The following SORCS2 variants were observed in gnomAD, a reference collection of about 807,000 sequenced individuals.
The protein encoded by SORCS2 is sortilin related VPS10 domain containing receptor 2.
SORCS2 carries 100 observed loss-of-function variants against 141.6 expected under a neutral mutation model. The observed-to-expected ratio is 0.71, with a 90% CI of 0.60 to 0.83. SORCS2 has a LOEUF of 0.83. SORCS2 is among the 40% of genes least tolerant of loss of function. The probability of loss-of-function intolerance (pLI) is 0.00; values close to 1 mark genes in which losing one functional copy is unlikely to be tolerated. For synonymous variants in SORCS2, 789 were observed against 676.9 expected (o/e 1.17, Z -2.57); for missense variants, 1,646 against 1,560.2 (o/e 1.05, Z -0.93).
chr4:7,423,814 A>AAAAC (rs943428464), intron 2 of SORCS2, among the ~76,000 whole-genome samples: 1 of 152,224 alleles, frequency 6.6e-6, no homozygotes, highest in Non-Finnish European at 1.5e-5. Flanking sequence ...GCTCTCCAGG[A>AAAAC]AAACAAACAA....
At chr4:7,495,931 C>A (rs4689761) in intron 2 of SORCS2, among the ~76,000 whole-genome samples, 34 of 152,256 alleles carry the variant, frequency 2.2e-4, no homozygotes, top group Non-Finnish European at 3.5e-4. Context: ...AGGCACCTGC[C>A]GGCCTGGCCT....
chr4:7,344,251 C>T (rs1415940190), intron 1 of SORCS2, among the ~76,000 whole-genome samples: 1 of 152,224 alleles, frequency 6.6e-6, no homozygotes, highest in Non-Finnish European at 1.5e-5. Context: ...TCCTCATCTG[C>T]TGAGTCCCAT....
intron 1 of SORCS2, among the ~76,000 whole-genome samples, chr4:7,368,678 CA>C (rs902381303): frequency 3.3e-5 from 5 of 152,308 alleles, no homozygotes; most frequent in African/African-American, 1.2e-4. Context: ...CTGAGTGGCT[CA>C]GTCCCTGGAA....
chr4:7,592,216 C>A (rs567987308), intron 3 of SORCS2, among the ~76,000 whole-genome samples: 81 of 152,300 alleles, frequency 5.3e-4, no homozygotes, highest in South Asian at 1.0e-3. Context: ...GCTCCCCCAA[C>A]TACCCACTTT....
At chr4:7,363,443 C>T (rs1273648166) in intron 1 of SORCS2, among the ~76,000 whole-genome samples, 6 of 146,858 alleles carry the variant, frequency 4.1e-5, no homozygotes, top group African/African-American at 1.6e-4. Context: ...ATCACCATCA[C>T]CACCATTGTG....
intron 1 of SORCS2, among the ~76,000 whole-genome samples, chr4:7,370,300 G>T (rs540643798): frequency 6.6e-6 from 1 of 152,352 alleles, no homozygotes; most frequent in East Asian, 1.9e-4. Context: ...CTTCTGTTTG[G>T]TTGTCTGAGC....
At chr4:7,354,877 TAAGG>T (rs1481589226) in intron 1 of SORCS2, among the ~76,000 whole-genome samples, 1 of 152,204 alleles carries the variant, frequency 6.6e-6, no homozygotes, top group Non-Finnish European at 1.5e-5. Context: ...TTTTACATGA[TAAGG>T]AAGGTTTATC....
At chr4:7,365,960 C>CG (rs1721856035) in intron 1 of SORCS2, among the ~76,000 whole-genome samples, 1 of 152,182 alleles carries the variant, frequency 6.6e-6, no homozygotes, top group African/African-American at 2.4e-5. Flanking sequence ...AAAACGAGCC[C>CG]GGGAAGACAG....
chr4:7,525,175 C>G lies in SORCS2; in HGVS notation c.549-6355C>G, dbSNP rs149077370. Among the ~76,000 whole-genome samples, 486 of 152,288 alleles carry G rather than the reference C, an allele frequency of 3.2e-3. 1 individual carries two copies. The highest frequency in any genetic ancestry group is 0.011 in the African/African-American group (447 of 41,572). On this transcript the variant is annotated intron_variant, in intron 2 of 26. Coordinates refer to ENST00000507866, the MANE Select transcript of SORCS2 (RefSeq NM_020777.3). ...AGGAAATAATGCAGTGAGAGAGAGA[C>G]TCTTGAGTTGCCCACCAGGAAAACA... is the stretch of plus-strand genomic sequence containing the variant.
At chr4:7,566,105 ATAATGG>A (rs201983019) in intron 3 of SORCS2, among the ~76,000 whole-genome samples, 3,015 of 149,670 alleles carry the variant, frequency 0.02, 118 homozygotes, top group African/African-American at 0.069. Flanking sequence ...TGATAATGTG[ATAATGG>A]TAATGGTGAT....
rs772204065 is a variant in SORCS2, at chr4:7,740,289, AC to A, written c.*28del. ...ATGCCACCCCAGCATCTGTCTTTTC[AC>A]CCACGGAGGGCACAGAACCACCAGC... On this transcript the variant is annotated 3_prime_UTR_variant, in exon 27 of 27. Transcript: ENST00000507866. 2.0e-5 allele frequency: 32 copies of A among 1,603,644 alleles called. No homozygotes were observed. Among genetic ancestry groups the A allele is most frequent in the Middle Eastern group, 3.3e-4 (2 of 6,044 alleles).
At chr4:7,239,102 C>T (rs1560132796) in intron 1 of SORCS2, among the ~76,000 whole-genome samples, 1 of 152,218 alleles carries the variant, frequency 6.6e-6, no homozygotes, top group East Asian at 1.9e-4. Context: ...TTCCTGTGCT[C>T]CCCAGAGGCT....
At chr4:7,475,796 G>C (rs987784846) in intron 2 of SORCS2, among the ~76,000 whole-genome samples, 1 of 152,248 alleles carries the variant, frequency 6.6e-6, no homozygotes. Flanking sequence ...CCAGGCCTTT[G>C]GAAGACTGCA....
At chr4:7,376,336 G>A (rs1722654371) in intron 1 of SORCS2, among the ~76,000 whole-genome samples, 1 of 151,908 alleles carries the variant, frequency 6.6e-6, no homozygotes, top group Admixed American at 6.5e-5. Flanking sequence ...CAGCACTTTG[G>A]GAAGCCAAGG....
intron 2 of SORCS2, among the ~76,000 whole-genome samples, chr4:7,399,888 G>T (rs1245611625): frequency 1.3e-5 from 2 of 152,184 alleles, no homozygotes; most frequent in Non-Finnish European, 2.9e-5. Flanking sequence ...ATCTGGTACA[G>T]CACTTCTCAG....
At chr4:7,445,537 G>A (rs11729649) in intron 2 of SORCS2, among the ~76,000 whole-genome samples, 46,130 of 151,854 alleles carry the variant, frequency 0.3, 7,378 homozygotes, top group East Asian at 0.57. Context: ...ATGGAGCGGG[G>A]CCGAGGGGAA....
chr4:7,266,297 G>A (rs949677514), intron 1 of SORCS2, among the ~76,000 whole-genome samples: 1 of 152,198 alleles, frequency 6.6e-6, no homozygotes, highest in African/African-American at 2.4e-5. Flanking sequence ...GGGAGAAGAT[G>A]CTGGACTCCT....
At chr4:7,292,107 G>C (rs2108879469) in intron 1 of SORCS2, among the ~76,000 whole-genome samples, 1 of 152,342 alleles carries the variant, frequency 6.6e-6, no homozygotes, top group East Asian at 1.9e-4. Flanking sequence ...CTGGATCTCA[G>C]CTCTCTCCCG....
intron 1 of SORCS2, among the ~76,000 whole-genome samples, chr4:7,291,435 G>T (rs1560168121): frequency 6.6e-6 from 1 of 152,144 alleles, no homozygotes; most frequent in Non-Finnish European, 1.5e-5. Context: ...GTGGTGCCGT[G>T]AGCAAGAAGG....
Sources: allele counts gnomAD v4.1 joint callset (sites outside exome capture counted in the v4.1 genomes callset), GRCh38; gene constraint gnomAD v4.1.1; transcripts MANE v1.5; gene names NCBI Gene and HGNC (gene_info 2026-07-23, HGNC 2026-07-21).